SYNE1: variants seen among roughly 807,000 people sequenced by gnomAD.
SYNE1 encodes spectrin repeat containing nuclear envelope protein 1, also known as nesprin-1.
A neutral mutation model predicts 1,111.0 loss-of-function variants in SYNE1; 616 were observed. The observed-to-expected ratio is 0.55, with a 90% CI of 0.52 to 0.59. SYNE1 has a LOEUF of 0.59. Ranked by LOEUF, SYNE1 falls within the 20% of genes least tolerant of loss-of-function variation. The pLI is 0.00. For synonymous variants in SYNE1, 3,855 were observed against 3,825.8 expected (o/e 1.01, Z -0.28); for missense variants, 10,006 against 10,417.0 (o/e 0.96, Z 1.72).
chr6:152,560,679 T>A lies in SYNE1; in HGVS notation c.68-20658A>T, dbSNP rs560384884. Among the ~76,000 whole-genome samples the A allele has an allele frequency of 5.9e-5, 9 of 152,046 alleles. No individual in the cohort carries two copies. In the South Asian group the frequency reaches 1.9e-3, roughly 32 times the overall value. On this transcript the variant is annotated intron_variant, in intron 3 of 145. Coordinates refer to ENST00000367255, the MANE Select transcript of SYNE1 (RefSeq NM_182961.4). ...TCCCTGATAAACATAGACATGAAAA[T>A]TCTCAATGAAACACTAGCAAACCAA... is the stretch of plus-strand genomic sequence containing the variant.
At chr6:152,523,007 T>C (rs2099147203) in intron 5 of SYNE1, among the ~76,000 whole-genome samples, 2 of 152,204 alleles carry the variant, frequency 1.3e-5, no homozygotes, top group South Asian at 2.1e-4. Context: ...ATGGGTTGTC[T>C]GTTTACTCTG....
At chr6:152,371,174 A>G (rs2097173090) in intron 59 of SYNE1, among the ~76,000 whole-genome samples, 1 of 151,984 alleles carries the variant, frequency 6.6e-6, no homozygotes, top group African/African-American at 2.4e-5. Context: ...TCCCCCCCCA[A>G]ATCTCATCTT....
At chr6:152,137,028 T>C (rs887549936) in intron 140 of SYNE1, among the ~76,000 whole-genome samples, 5 of 151,940 alleles carry the variant, frequency 3.3e-5, no homozygotes, top group Admixed American at 3.3e-4. Context: ...GGATGAATCT[T>C]AAGAAAACAG....
intron 3 of SYNE1, among the ~76,000 whole-genome samples, chr6:152,548,129 C>T (rs767003899): frequency 7.2e-5 from 11 of 152,210 alleles, no homozygotes; most frequent in Non-Finnish European, 1.6e-4. Flanking sequence ...GCACTGCCCA[C>T]AGCAGCCTCA....
chr6:152,593,245 C>CTTA (rs143751289), intron 3 of SYNE1, among the ~76,000 whole-genome samples: 3,315 of 152,158 alleles, frequency 0.022, 128 homozygotes, highest in African/African-American at 0.076. Context: ...TCAATGAGGA[C>CTTA]TTGTACCATA....
Position 152,395,630 on chromosome 6 carries a change from T to G in SYNE1, c.7598A>C (p.Glu2533Ala). 1 of 1,614,198 alleles carries G rather than the reference T, an allele frequency of 6.2e-7. No homozygotes were observed. Among genetic ancestry groups the G allele is most frequent in the Non-Finnish European group, 8.5e-7 (1 of 1,180,016 alleles). Residue 2533 changes from glutamate (E) to alanine (A), a missense_variant, in exon 51 of 146, where the codon GAA (glutamate) becomes GCA (alanine). Glu to Ala is a moderately radical substitution (Grantham distance 107, BLOSUM62 -1). Transcript: ENST00000367255. The stretch of plus-strand genomic sequence containing the variant: ...TTCCGTATTGAACCTTTCTTCCATT[T>G]CATGGATCCATAAGTTCAGTTTTCT... ...QHRKLNLWIH[E>A]MEERFNTENL...
chr6:152,432,012 C>T (rs2098434694), intron 34 of SYNE1, among the ~76,000 whole-genome samples: 1 of 152,084 alleles, frequency 6.6e-6, no homozygotes, highest in Non-Finnish European at 1.5e-5. Flanking sequence ...AAGAACCGAG[C>T]TCTTAGTTAT....
At chr6:152,562,064 T>C (rs1039750539) in intron 3 of SYNE1, among the ~76,000 whole-genome samples, 2 of 151,836 alleles carry the variant, frequency 1.3e-5, no homozygotes, top group Admixed American at 6.6e-5. Flanking sequence ...GCAAATAGAA[T>C]TGCACCAAAC....
chr6:152,352,407 TC>T (rs2096757165), intron 69 of SYNE1, 54 bp from the exon 70 acceptor site: 2 of 1,503,058 alleles, frequency 1.3e-6, no homozygotes, highest in South Asian at 2.4e-5. Flanking sequence ...TTCTTTTCTT[TC>T]TTTTTTTTTT....
intron 91 of SYNE1, among the ~76,000 whole-genome samples, chr6:152,306,601 C>T (rs2095386999): frequency 6.6e-6 from 1 of 151,474 alleles, no homozygotes; most frequent in South Asian, 2.1e-4. Flanking sequence ...GCTGGCTGGG[C>T]ATGGTGACTC....
intron 3 of SYNE1, among the ~76,000 whole-genome samples, chr6:152,548,170 A>G (rs2099323747): frequency 6.6e-6 from 1 of 152,168 alleles, no homozygotes; most frequent in Admixed American, 6.5e-5. Flanking sequence ...CAAAGCTGAG[A>G]TTTTGGGGGC....
At chr6:152,163,636 T>C (rs1438603430) in intron 131 of SYNE1, among the ~76,000 whole-genome samples, 1 of 152,204 alleles carries the variant, frequency 6.6e-6, no homozygotes, top group Non-Finnish European at 1.5e-5. Context: ...CTGTCTTTGC[T>C]ACACACATGA....
chr6:152,472,967 C>T (rs916151449), intron 14 of SYNE1, among the ~76,000 whole-genome samples: 1 of 151,946 alleles, frequency 6.6e-6, no homozygotes, highest in African/African-American at 2.4e-5. Flanking sequence ...AGGGAATACC[C>T]CATAGGTAAC....
At chr6:152,226,566 C>T (rs899676436) in intron 115 of SYNE1, among the ~76,000 whole-genome samples, 2 of 152,134 alleles carry the variant, frequency 1.3e-5, no homozygotes, top group African/African-American at 4.8e-5. Context: ...GAATGAAAAG[C>T]AAAATGAAGA....
intron 30 of SYNE1, among the ~76,000 whole-genome samples, chr6:152,443,479 T>C (rs1164096266): frequency 6.6e-6 from 1 of 152,166 alleles, no homozygotes; most frequent in East Asian, 1.9e-4. Context: ...TTAGCCAGGA[T>C]GGTCTCGATC....
Position 152,603,685 on chromosome 6 carries a change from T to C in SYNE1, c.67+24580A>G, listed in dbSNP as rs2099601553. On this transcript the variant is annotated intron_variant, in intron 3 of 145. Transcript: ENST00000367255. The stretch of plus-strand genomic sequence containing the variant: ...CTATTCTATATCTAGAATACATATG[T>C]ATATATGTTCTAGAATATATAGATA... Among the ~76,000 whole-genome samples the C allele has an allele frequency of 2.6e-5, 4 of 151,668 alleles. No homozygotes were observed. The South Asian group carries it at 8.3e-4, about 32-fold the overall frequency.
Position 152,167,877 on chromosome 6 carries a change from G to A in SYNE1, c.23628-3552C>T, listed in dbSNP as rs17082278. Reference sequence around the variant, plus strand: ...GGTCCAGAGACAACTGGAATACAGAGTCATAATAAAGTCCATTAACCTTTT... The same window carrying A: ...GGTCCAGAGACAACTGGAATACAGAATCATAATAAAGTCCATTAACCTTTT... On this transcript the variant is annotated intron_variant, in intron 130 of 145. Transcript: ENST00000367255. 5.6e-3 allele frequency: 3,995 copies of A among 718,590 alleles called. 107 individuals are homozygous for A. The African/African-American group carries it at 0.059, about 11-fold the overall frequency. The allele number at this position is 718,590 out of a possible 1,614,324, so 44.5% of individuals were successfully genotyped here.
intron 75 of SYNE1, 105 bp downstream of exon 75, chr6:152,339,136 A>G: frequency 1.4e-6 from 2 of 1,468,060 alleles, no homozygotes; most frequent in Non-Finnish European, 9.4e-7. Context: ...CATTACATAC[A>G]GCAAGAACAA....
chr6:152,141,130 G>A, intron 139 of SYNE1, 73 bp downstream of exon 139: 1 of 1,607,000 alleles, frequency 6.2e-7, no homozygotes, highest in Non-Finnish European at 8.5e-7. Context: ...CCCCTAAGTG[G>A]AATTTCGCTG....
Sources: allele counts gnomAD v4.1 joint callset (sites outside exome capture counted in the v4.1 genomes callset), GRCh38; gene constraint gnomAD v4.1.1; transcripts MANE v1.5; gene names NCBI Gene and HGNC (gene_info 2026-07-23, HGNC 2026-07-21).